TAOK2: variants seen among roughly 807,000 people sequenced by gnomAD.
TAOK2 encodes serine/threonine-protein kinase TAO2.
TAOK2 carries 42 observed loss-of-function variants against 122.5 expected under a neutral mutation model. That is an observed-to-expected ratio of 0.34 (90% CI 0.27 to 0.44). The LOEUF is 0.44. Ranked by LOEUF, TAOK2 falls within the 20% of genes least tolerant of loss-of-function variation. TAOK2 has a pLI of 1.00. For missense variants in TAOK2, 1,264 were observed against 1,644.9 expected, an observed-to-expected ratio of 0.77 and a Z score of 4.01; for synonymous variants, 704 against 677.6, an observed-to-expected ratio of 1.04 and a Z score of -0.61.
chr16:29,981,860 T>G lies in TAOK2; in HGVS notation c.751T>G (p.Ser251Ala). Residue 251 changes from serine to alanine, a missense_variant and splice_region_variant, in exon 10 of 16, where the codon TCT becomes GCT. Transcript: ENST00000308893. The part of the protein sequence containing the change: ...ESPVLQSGHW[S>A]EYFRNFVDSC... ...CTCCCACCCTCCTGTGACTTTCAGGTCTGAGTACTTCCGGAATTTTGTCGA... is the reference window on the plus strand; with the variant it reads ...CTCCCACCCTCCTGTGACTTTCAGGGCTGAGTACTTCCGGAATTTTGTCGA... 1 of 1,604,288 alleles carries G rather than the reference T, an allele frequency of 6.2e-7. No individual in the cohort carries two copies. Among genetic ancestry groups the G allele is most frequent in the Non-Finnish European group, 8.5e-7 (1 of 1,171,790 alleles).
intron 10 of TAOK2, 68 bp from the exon 11 acceptor site, chr16:29,982,666 A>C (rs2069653925): frequency 6.4e-7 from 1 of 1,561,614 alleles, no homozygotes; most frequent in African/African-American, 1.4e-5. Flanking sequence ...GCCTGAGGGA[A>C]TGCCAAGGGC....
chr16:29,991,142 G>T (rs55768878), downstream of TAOK2: 3 of 1,610,068 alleles, frequency 1.9e-6, no homozygotes, highest in Admixed American at 1.7e-5. This position sits in a 1 kb window ranked among gnomAD's most constrained non-coding sequence, Gnocchi z 5.6. Flanking sequence ...CCTTCGATGC[G>T]GAAAGCATGA....
downstream of TAOK2, chr16:29,991,479 C>A (rs1296176099): frequency 6.7e-7 from 1 of 1,482,408 alleles, no homozygotes; most frequent in Middle Eastern, 2.0e-4. This position sits in a 1 kb window ranked among gnomAD's most constrained non-coding sequence, Gnocchi z 5.6. Flanking sequence ...GAATGTGGGC[C>A]CCCCTGCTGC....
Position 29,986,437 on chromosome 16 carries a change from A to G in TAOK2, c.2165A>G (p.Lys722Arg). 1 of 1,608,546 alleles carries G rather than the reference A, an allele frequency of 6.2e-7. No individual in the cohort carries two copies. ...CTGGGCAACCAGCTGGAGTACAACAAGCGGCGTGAGCAAGAGTTGCGGCAG... is the reference window on the plus strand; with the variant it reads ...CTGGGCAACCAGCTGGAGTACAACAGGCGGCGTGAGCAAGAGTTGCGGCAG... ...TELGNQLEYN[K>R]RREQELRQKH... Residue 722 changes from lysine (K) to arginine (R), a missense_variant, in exon 16 of 16, where the codon AAG becomes AGG. By Grantham distance (26) the Lys-to-Arg change is conservative. Transcript: ENST00000308893. This position sits in a 1 kb window ranked among gnomAD's most constrained non-coding sequence, Gnocchi z 4.2.
Position 29,985,417 on chromosome 16 carries a change from G to T in TAOK2, c.1627G>T (p.Ala543Ser), listed in dbSNP as rs916776801. The change falls in exon 14 of 16, where the codon GCC becomes TCC. Residue 543 changes from alanine to serine, a missense_variant. This residue lies in a region of TAOK2 where 64 missense variants were observed against 115.7 expected (regional missense o/e 0.55). Coordinates refer to ENST00000308893, the MANE Select transcript of TAOK2 (RefSeq NM_016151.4). This position sits in a 1 kb window ranked among gnomAD's most constrained non-coding sequence, Gnocchi z 6.9. ...AGFGAEAEKL[A>S]RRHQAIGEKE... is the part of the protein sequence containing the mutation. ...CTTTGGGGCAGAGGCAGAAAAGCTG[G>T]CCCGGCGGCACCAGGCCATAGGTGA... 6.2e-7 allele frequency: 1 copy of T among 1,608,662 alleles called. No individual in the cohort carries two copies. Among genetic ancestry groups the T allele is most frequent in the African/African-American group, 1.3e-5 (1 of 74,984 alleles).
intron 1 of TAOK2, among the ~76,000 whole-genome samples, chr16:29,975,139 CT>C (rs1482222729): frequency 6.6e-6 from 1 of 151,954 alleles, no homozygotes; most frequent in African/African-American, 2.4e-5. Flanking sequence ...TGTGTGTGTG[CT>C]TGGAGGTGCC....
At position 29,983,698 on chromosome 16, in the gene TAOK2, T is replaced by G. The variant is rs1253751065; in HGVS notation, c.1422+34T>G. ...AGCCATCCTCACTCAGCCTGCTCGC[T>G]GTCTGTTTTTTAAGTCTTTTTAAGT... On this transcript the variant is annotated intron_variant, in intron 13 of 15. Coordinates refer to ENST00000308893, the MANE Select transcript of TAOK2 (RefSeq NM_016151.4). The G allele has an allele frequency of 1.9e-6, 3 of 1,581,868 alleles. No individual in the cohort carries two copies. The East Asian group carries it at 6.8e-5, about 36-fold the overall frequency.
intron 11 of TAOK2, 22 bp downstream of exon 11, chr16:29,982,923 C>A (rs766976519): frequency 1.2e-6 from 2 of 1,612,582 alleles, no homozygotes; most frequent in African/African-American, 2.7e-5. Flanking sequence ...TGCCCTAACA[C>A]CCCTCTTTAT....
Position 29,987,935 on chromosome 16 carries a change from G to A in TAOK2, c.3663G>A (p.Arg1221=), listed in dbSNP as rs770881134. 6.5e-7 allele frequency: 1 copy of A among 1,542,712 alleles called. No individual in the cohort carries two copies. The highest frequency in any genetic ancestry group is 8.7e-7 in the Non-Finnish European group (1 of 1,150,048). The stretch of plus-strand genomic sequence containing the variant: ...CACTGCCAGGGACTCTAGCCGGGCG[G>A]AGGTCACGCACCCGCCAGTCCCGGG... ...RQPLPGTLAG[R]RSRTRQSRAL... Residue 1221 remains arginine, a synonymous_variant, in exon 16 of 16, where the codon CGG becomes CGA. Transcript: ENST00000308893.
At chr16:29,981,803 A>G in intron 9 of TAOK2, 49 bp downstream of exon 9, 1 of 1,609,608 alleles carries the variant, frequency 6.2e-7, no homozygotes, top group Middle Eastern at 1.7e-4. Flanking sequence ...GCCATGGGGT[A>G]TGGATGCCTG....
downstream of TAOK2, chr16:29,989,364 T>C: frequency 1.0e-6 from 1 of 985,238 alleles, no homozygotes; most frequent in Non-Finnish European, 1.2e-6. Flanking sequence ...CTGATCTCTC[T>C]CAACACGATC....
chr16:29,991,889 G>A (rs1399761667), downstream of TAOK2: 1 of 264,478 alleles, frequency 3.8e-6, no homozygotes, highest in Non-Finnish European at 7.1e-6. The surrounding 1 kb of genome is among the most constrained non-coding windows in gnomAD (Gnocchi z 5.6). Context: ...GGTGGGTCTA[G>A]ACATACTATA....
At chr16:29,983,476 T>C (rs755614760) in intron 12 of TAOK2, 27 bp from the exon 13 acceptor site, 1 of 1,592,374 alleles carries the variant, frequency 6.3e-7, no homozygotes, top group South Asian at 1.1e-5. Context: ...CCTCTGAGCC[T>C]TGGGTGTTCC....
At chr16:29,991,758 C>T (rs2069974309), downstream of TAOK2, 1 of 639,530 alleles carries the variant, frequency 1.6e-6, no homozygotes, top group African/African-American at 1.9e-5. The surrounding 1 kb of genome is among the most constrained non-coding windows in gnomAD (Gnocchi z 5.6). Context: ...GCGATAGGTG[C>T]CTCAAGGCTG....
At chr16:29,981,829 A>AC in intron 9 of TAOK2, 30 bp from the exon 10 acceptor site, 1 of 1,309,640 alleles carries the variant, frequency 7.6e-7, no homozygotes, top group African/African-American at 1.5e-5. Context: ...TGCCTTCCCC[A>AC]CCCCTCTCCC....
At chr16:29,991,291 C>G (rs1567255936), downstream of TAOK2, 1 of 1,611,880 alleles carries the variant, frequency 6.2e-7, no homozygotes. This position sits in a 1 kb window ranked among gnomAD's most constrained non-coding sequence, Gnocchi z 5.6. Flanking sequence ...CATGGCCCTC[C>G]TCCACCAGGC....
chr16:29,990,352 T>C (rs1377109261), downstream of TAOK2: 2 of 160,808 alleles, frequency 1.2e-5, no homozygotes, highest in Non-Finnish European at 2.7e-5. Context: ...TTTTGAAAAA[T>C]TATATGAATT....
chr16:29,991,866 G>T (rs182091009), downstream of TAOK2: 64 of 328,096 alleles, frequency 2.0e-4, 1 homozygote, highest in East Asian at 3.2e-3. This position sits in a 1 kb window ranked among gnomAD's most constrained non-coding sequence, Gnocchi z 5.6. Context: ...CTAGTCCCCT[G>T]GGGGAGGGGA....
At chr16:29,980,774 G>A (rs1211401753) in intron 8 of TAOK2, 1 of 152,142 alleles carries the variant, frequency 6.6e-6, no homozygotes, top group Non-Finnish European at 1.5e-5. Context: ...TGGATACAGA[G>A]AAATATTACT....
Sources: allele counts gnomAD v4.1 joint callset (sites outside exome capture counted in the v4.1 genomes callset), GRCh38; gene constraint gnomAD v4.1.1; regional missense constraint gnomAD v4.1.1; non-coding constraint Gnocchi (gnomAD v3.1); transcripts MANE v1.5; gene names NCBI Gene and HGNC (gene_info 2026-07-23, HGNC 2026-07-21).